SUFU: variants seen among roughly 807,000 people sequenced by gnomAD.
SUFU encodes the protein suppressor of fused homolog.
SUFU carries 7 observed loss-of-function variants against 58.9 expected under a neutral mutation model. The observed-to-expected ratio is 0.12, with a 90% CI of 0.07 to 0.22. The LOEUF is 0.22. Ranked by LOEUF, SUFU falls within the 10% of genes least tolerant of loss-of-function variation. The pLI, the probability that SUFU is intolerant of heterozygous loss-of-function variation, is 1.00. For synonymous variants in SUFU, 232 were observed against 254.8 expected, an observed-to-expected ratio of 0.91 and a Z score of 0.85; for missense variants, 451 against 641.3, an observed-to-expected ratio of 0.70 and a Z score of 3.20.
rs148892596 is a variant in SUFU, at chr10:102,572,190, C to A, written c.455-20392C>A. Among the ~76,000 whole-genome samples the A allele has an allele frequency of 5.4e-3, 809 of 150,926 alleles. 5 individuals are homozygous for A. The highest frequency in any genetic ancestry group is 0.019 in the African/African-American group (772 of 41,118). ...AAGCCATTCTCCTGCCTCAGCCTCC[C>A]GAGTAGCTGGGATTACAGGCACCGG... is the stretch of plus-strand genomic sequence containing the variant. On this transcript the variant is annotated intron_variant, in intron 3 of 11. Coordinates refer to ENST00000369902, the MANE Select transcript of SUFU (RefSeq NM_016169.4).
intron 8 of SUFU, among the ~76,000 whole-genome samples, chr10:102,603,909 G>A (rs917092493): frequency 6.6e-6 from 1 of 152,184 alleles, no homozygotes; most frequent in Non-Finnish European, 1.5e-5. Context: ...GGTCCATGAA[G>A]ATTAATTAGA....
chr10:102,578,433 T>C (rs2063237334), intron 3 of SUFU, among the ~76,000 whole-genome samples: 2 of 150,986 alleles, frequency 1.3e-5, no homozygotes. Context: ...CAAAAATTAG[T>C]CTGGGTGCAG....
chr10:102,503,715 C>A (rs2062278996), upstream of SUFU, among the ~76,000 whole-genome samples: 1 of 152,208 alleles, frequency 6.6e-6, no homozygotes, highest in Non-Finnish European at 1.5e-5. Flanking sequence ...CCTTTGTTGG[C>A]GCACTTCTCG....
chr10:102,553,494 C>T (rs879933820), intron 3 of SUFU, among the ~76,000 whole-genome samples: 7 of 149,576 alleles, frequency 4.7e-5, no homozygotes, highest in South Asian at 2.1e-4. Context: ...GATGGAGTCT[C>T]GCTCTATTGC....
Position 102,605,332 on chromosome 10 carries a change from T to C in SUFU, c.1022+5788T>C, listed in dbSNP as rs1197752069. 2.6e-5 allele frequency among the ~76,000 whole-genome samples: 4 copies of C among 152,028 alleles called. No individual in the cohort carries two copies. The East Asian group carries it at 7.9e-4, about 30-fold the overall frequency. On this transcript the variant is annotated intron_variant, in intron 8 of 11. Coordinates refer to ENST00000369902, the MANE Select transcript of SUFU (RefSeq NM_016169.4). ...GAGTTCGAGACCAGCCTGGGCAACA[T>C]GGCAAAACCCCATCTCTACAAAACA...
In SUFU at chr10:102,629,966, TC is replaced by T; in HGVS notation, c.1366-97del. 1.8e-6 allele frequency: 2 copies of T among 1,128,318 alleles called. No individual in the cohort carries two copies. Among genetic ancestry groups the T allele is most frequent in the Non-Finnish European group, 2.7e-6 (2 of 737,100 alleles). The allele number at this position is 1,128,318 out of a possible 1,614,324, so 69.9% of individuals were successfully genotyped here. On this transcript the variant is annotated intron_variant, in intron 11 of 11. Coordinates refer to ENST00000369902, the MANE Select transcript of SUFU (RefSeq NM_016169.4). The surrounding 1 kb of genome is among the most constrained non-coding windows in gnomAD (Gnocchi z 4.7). ...GCCACGCCTCCCGCGGCCTGTCCTA[TC>T]CCTAGCTCCCCGGGGACAGGCCTGG...
At chr10:102,578,706 C>CAAAA (rs113374192) in intron 3 of SUFU, among the ~76,000 whole-genome samples, 6 of 129,620 alleles carry the variant, frequency 4.6e-5, no homozygotes, top group Admixed American at 2.3e-4. Flanking sequence ...GACTCCGTTT[C>CAAAA]AAAAAAAAAA....
At chr10:102,577,989 G>A (rs1440196245) in intron 3 of SUFU, among the ~76,000 whole-genome samples, 3 of 148,766 alleles carry the variant, frequency 2.0e-5, no homozygotes, top group African/African-American at 7.4e-5. Context: ...CCAGGACTAC[G>A]AGTTTAAAAC....
At chr10:102,517,028 C>G (rs894519820) in intron 2 of SUFU, among the ~76,000 whole-genome samples, 7 of 150,808 alleles carry the variant, frequency 4.6e-5, no homozygotes, top group African/African-American at 1.7e-4. Flanking sequence ...GAGGCTGAGA[C>G]AGGAGAATCG....
At chr10:102,555,248 T>C (rs1377274260) in intron 3 of SUFU, among the ~76,000 whole-genome samples, 2 of 123,220 alleles carry the variant, frequency 1.6e-5, no homozygotes, top group Non-Finnish European at 3.2e-5. Context: ...AGCCTGGGCG[T>C]CAGAGTGAGA....
intron 2 of SUFU, among the ~76,000 whole-genome samples, chr10:102,539,040 G>A (rs775606725): frequency 1.3e-5 from 2 of 152,132 alleles, no homozygotes; most frequent in African/African-American, 4.8e-5. Context: ...CTTCAGGATC[G>A]GTTGACCAAC....
chr10:102,534,416 G>GA (rs2135704971), intron 2 of SUFU, among the ~76,000 whole-genome samples: 1 of 152,306 alleles, frequency 6.6e-6, no homozygotes, highest in South Asian at 2.1e-4. Flanking sequence ...TACAGAGCGA[G>GA]ACTCTGTCTC....
chr10:102,539,039 C>T (rs536498132), intron 2 of SUFU, among the ~76,000 whole-genome samples: 2 of 152,182 alleles, frequency 1.3e-5, no homozygotes, highest in Admixed American at 6.5e-5. Flanking sequence ...ACTTCAGGAT[C>T]GGTTGACCAA....
intron 2 of SUFU, among the ~76,000 whole-genome samples, chr10:102,534,992 C>T (rs1324297419): frequency 4.6e-5 from 7 of 151,936 alleles, no homozygotes; most frequent in Non-Finnish European, 7.4e-5. Flanking sequence ...CCCATGCCCA[C>T]CTCCACCCCC....
intron 3 of SUFU, among the ~76,000 whole-genome samples, chr10:102,578,238 CGAGACTCCGT>C (rs1564690259): frequency 6.7e-6 from 1 of 148,240 alleles, no homozygotes; most frequent in African/African-American, 2.5e-5. Flanking sequence ...GGCGACAAAG[CGAGACTCCGT>C]CTCAAAAAAA....
chr10:102,615,736 G>A (rs1176834079), intron 9 of SUFU, among the ~76,000 whole-genome samples: 1 of 152,184 alleles, frequency 6.6e-6, no homozygotes, highest in Admixed American at 6.5e-5. Context: ...GGCTGGCCTA[G>A]GTGGTGAGAA....
intron 3 of SUFU, among the ~76,000 whole-genome samples, chr10:102,589,513 T>C (rs1431610544): frequency 7.7e-6 from 1 of 130,580 alleles, no homozygotes; most frequent in Non-Finnish European, 1.6e-5. Context: ...TGGCATGATC[T>C]CGGCTCACTG....
At chr10:102,574,987 C>T (rs1207350028) in intron 3 of SUFU, among the ~76,000 whole-genome samples, 2 of 151,514 alleles carry the variant, frequency 1.3e-5, no homozygotes, top group South Asian at 2.1e-4. Flanking sequence ...ACCCGGGAGG[C>T]GGAGGTTGCA....
chr10:102,619,155 A>G lies in SUFU; in HGVS notation c.1296+1727A>G, dbSNP rs2063718449. ...GTAGTCAGCATCTCCAATTTTCAGC[A>G]GCTCAAGAACCTTGGCCCCCACAGG... On this transcript the variant is annotated intron_variant, in intron 10 of 11. Transcript: ENST00000369902. This position sits in a 1 kb window ranked among gnomAD's most constrained non-coding sequence, Gnocchi z 4.2. 1 of 1,611,582 alleles carries G rather than the reference A, an allele frequency of 6.2e-7. No individual in the cohort carries two copies. The highest frequency in any genetic ancestry group is 8.5e-7 in the Non-Finnish European group (1 of 1,179,780).
Sources: allele counts gnomAD v4.1 joint callset (sites outside exome capture counted in the v4.1 genomes callset), GRCh38; gene constraint gnomAD v4.1.1; non-coding constraint Gnocchi (gnomAD v3.1); transcripts MANE v1.5; gene names NCBI Gene and HGNC (gene_info 2026-07-23, HGNC 2026-07-21).